The following ANXA8 variants were observed in gnomAD, a reference collection of about 807,000 sequenced individuals.
The protein encoded by ANXA8 is annexin A8.
Under a neutral mutation model 26.8 loss-of-function variants are expected in ANXA8, and 9 were observed. The ratio of observed to expected loss-of-function variants is 0.34; its 90% CI spans 0.20 to 0.59. The LOEUF (loss-of-function observed/expected upper bound fraction) is 0.59. ANXA8 is among the 20% of genes least tolerant of loss of function. ANXA8 has a pLI of 0.84. For missense variants in ANXA8, 83 were observed against 238.5 expected, an observed-to-expected ratio of 0.35 and a Z score of 4.29; for synonymous variants, 39 against 94.8, an observed-to-expected ratio of 0.41 and a Z score of 3.42.
At chr10:47,665,497 C>T in the ANXA8 span, among the ~76,000 whole-genome samples, 1 of 150,928 alleles carries the variant, frequency 6.6e-6, no homozygotes, top group East Asian at 1.9e-4. Flanking sequence ...ATGGTTTGAA[C>T]AGTGCTATAT....
chr10:47,646,013 TC>T, the ANXA8 span, among the ~76,000 whole-genome samples: 1 of 149,038 alleles, frequency 6.7e-6, no homozygotes, highest in African/African-American at 2.6e-5. Context: ...AGCCAATTCC[TC>T]CCAAGAATTA....
the ANXA8 span, among the ~76,000 whole-genome samples, chr10:47,755,647 A>ACT: frequency 7.5e-6 from 1 of 132,966 alleles, no homozygotes; most frequent in South Asian, 2.7e-4. Flanking sequence ...AGTAGCTGGG[A>ACT]TTACAGGGGT....
At chr10:47,485,194 G>A (rs1291410863), upstream of ANXA8, among the ~76,000 whole-genome samples, 11 of 152,098 alleles carry the variant, frequency 7.2e-5, no homozygotes, top group East Asian at 3.8e-4. Context: ...TCATCCAAGC[G>A]ATTTGGTTAA....
the ANXA8 span, among the ~76,000 whole-genome samples, chr10:47,982,829 T>TATATAA: frequency 1.4e-5 from 1 of 70,676 alleles, no homozygotes; most frequent in Non-Finnish European, 3.0e-5. Flanking sequence ...TATATATATA[T>TATATAA]ATATAAAATT....
chr10:47,482,982 A>G lies in ANXA8; in HGVS notation c.21+931T>C, dbSNP rs1392635692. ...CTTCATTTCATCATCTGCAAAACAG[A>G]AAGTGCAGCCCTGACATCCTGAGGC... On this transcript the variant is annotated intron_variant, in intron 1 of 11. Transcript: ENST00000585281. Among the ~76,000 whole-genome samples, 5 of 142,666 alleles carry G rather than the reference A, an allele frequency of 3.5e-5. No individual in the cohort carries two copies. In the East Asian group the frequency reaches 8.8e-4, roughly 25 times the overall value. 93.6% of individuals were successfully genotyped at this position (142,666 alleles called of 152,430 possible). A position where few individuals can be genotyped will look rare whatever the true frequency, so the allele number is the denominator to read the frequency against.
At chr10:47,743,378 A>ATATATG in the ANXA8 span, among the ~76,000 whole-genome samples, 4 of 59,778 alleles carry the variant, frequency 6.7e-5, no homozygotes, top group African/African-American at 1.1e-4. Flanking sequence ...ATACATATAT[A>ATATATG]TGTGTGTGTG....
chr10:47,625,830 C>T, the ANXA8 span, among the ~76,000 whole-genome samples: 1 of 150,744 alleles, frequency 6.6e-6, no homozygotes, highest in Non-Finnish European at 1.5e-5. Context: ...ACTTACTCCT[C>T]CTGGCTAACT....
chr10:47,918,401 G>GAAAGAAAGAA, the ANXA8 span, among the ~76,000 whole-genome samples: 5 of 26,382 alleles, frequency 1.9e-4, 1 homozygote, highest in Non-Finnish European at 3.6e-4. Context: ...AAGAAAGAAA[G>GAAAGAAAGAA]AAAGAAAGAA....
chr10:47,586,686 G>A, the ANXA8 span, among the ~76,000 whole-genome samples: 1 of 145,790 alleles, frequency 6.9e-6, no homozygotes, highest in South Asian at 2.1e-4. Flanking sequence ...AAGGAGGGAT[G>A]AGGTGACAGA....
At chr10:47,755,356 T>C in the ANXA8 span, among the ~76,000 whole-genome samples, 1 of 152,186 alleles carries the variant, frequency 6.6e-6, no homozygotes, top group East Asian at 1.9e-4. Flanking sequence ...CCCAGGCTCA[T>C]GCCATTCTCC....
the ANXA8 span, among the ~76,000 whole-genome samples, chr10:47,674,254 C>G: frequency 1.3e-5 from 2 of 150,642 alleles, no homozygotes; most frequent in African/African-American, 2.5e-5. Flanking sequence ...TCCTTAGCTT[C>G]CTGAGTAGCT....
the ANXA8 span, chr10:47,921,850 CT>C: frequency 2.1e-6 from 1 of 478,950 alleles, no homozygotes; most frequent in Admixed American, 3.8e-5. Context: ...AGCTGAGAGC[CT>C]TTCTACCCGG....
At chr10:47,749,245 A>AACAAAAAAAC in the ANXA8 span, among the ~76,000 whole-genome samples, 1 of 103,224 alleles carries the variant, frequency 9.7e-6, no homozygotes, top group Admixed American at 1.2e-4. Flanking sequence ...AAAACAAGCA[A>AACAAAAAAAC]ACAAAAAAAC....
the ANXA8 span, among the ~76,000 whole-genome samples, chr10:47,895,384 C>T: frequency 6.7e-6 from 1 of 148,884 alleles, no homozygotes; most frequent in Non-Finnish European, 1.5e-5. Flanking sequence ...GACTGGAGTG[C>T]CAGAAACCAG....
chr10:47,488,874 C>A (rs1256014502), upstream of ANXA8, among the ~76,000 whole-genome samples: 7 of 146,268 alleles, frequency 4.8e-5, no homozygotes, highest in African/African-American at 1.8e-4. Context: ...ACTACAGGTG[C>A]CCGCCACCGT....
chr10:47,506,770 C>T, the ANXA8 span, among the ~76,000 whole-genome samples: 4 of 144,728 alleles, frequency 2.8e-5, no homozygotes, highest in East Asian at 2.7e-4. Flanking sequence ...CTCCAGAATA[C>T]GTGGGACTAC....
At chr10:47,484,602 C>T, upstream of ANXA8, 1 of 920,378 alleles carries the variant, frequency 1.1e-6, no homozygotes, top group Non-Finnish European at 1.6e-6. Flanking sequence ...CAGGCTGACT[C>T]TGGCTCCTGC....
the ANXA8 span, among the ~76,000 whole-genome samples, chr10:47,559,846 T>C: frequency 6.6e-6 from 1 of 151,960 alleles, no homozygotes; most frequent in Non-Finnish European, 1.5e-5. Flanking sequence ...TGGTACTTTC[T>C]TTATAGCTCC....
chr10:47,564,866 A>G, the ANXA8 span: 1 of 1,248,434 alleles, frequency 8.0e-7, no homozygotes, highest in Admixed American at 1.7e-5. Flanking sequence ...GCCTGACTTC[A>G]TCTACCAGAG....
Sources: allele counts gnomAD v4.1 joint callset (sites outside exome capture counted in the v4.1 genomes callset), GRCh38; gene constraint gnomAD v4.1.1; transcripts MANE v1.5; gene names NCBI Gene and HGNC (gene_info 2026-07-23, HGNC 2026-07-21).